Variants in COL25A1 observed in about 807,000 individuals in gnomAD.
The protein encoded by COL25A1 is collagen type XXV alpha 1 chain, also known as collagen alpha-1(XXV) chain.
In COL25A1, 103 loss-of-function variants were observed where a neutral mutation model predicts 128.4. The ratio of observed to expected loss-of-function variants is 0.80; its 90% CI spans 0.68 to 0.94. The LOEUF (loss-of-function observed/expected upper bound fraction) is 0.94. Among genes scored for constraint, COL25A1 ranks in the 40% least tolerant of loss-of-function variants. COL25A1 has a pLI of 0.00. For synonymous variants in COL25A1, 279 were observed against 277.2 expected (o/e 1.01, Z -0.06); for missense variants, 745 against 840.0 (o/e 0.89, Z 1.40).
At chr4:108,832,570 T>C in intron 31 of COL25A1, 137 bp from the exon 32 acceptor site, 1 of 595,834 alleles carries the variant, frequency 1.7e-6, no homozygotes, top group Non-Finnish European at 3.0e-6. Context: ...TGCTTTATGC[T>C]TGATTATTTC....
intron 8 of COL25A1, among the ~76,000 whole-genome samples, chr4:108,957,438 T>C (rs1030795936): frequency 4.6e-5 from 7 of 152,176 alleles, no homozygotes; most frequent in Admixed American, 2.6e-4. Context: ...AAGGTTCATT[T>C]CACCCATGAG....
At chr4:109,266,073 A>G (rs1781774468) in intron 3 of COL25A1, among the ~76,000 whole-genome samples, 1 of 152,186 alleles carries the variant, frequency 6.6e-6, no homozygotes. Flanking sequence ...TAACCGTTAA[A>G]GAGTTAAAAG....
rs148882286 is a variant in COL25A1 at position 109,247,549 on chromosome 4, G to A, written c.367+53034C>T. On this transcript the variant is annotated intron_variant, in intron 3 of 37. Transcript: ENST00000399132. ...TTAGGGAACATGTAATATTGCTTAC[G>A]TACAATGCAAGGGCTTTAAAACCAA... is the stretch of plus-strand genomic sequence containing the variant. 7.2e-5 allele frequency among the ~76,000 whole-genome samples: 11 copies of A among 152,234 alleles called. No individual in the cohort carries two copies. In the East Asian group the frequency reaches 1.9e-3, roughly 27 times the overall value.
At chr4:109,133,792 T>G (rs928068666) in intron 3 of COL25A1, among the ~76,000 whole-genome samples, 1 of 152,096 alleles carries the variant, frequency 6.6e-6, no homozygotes, top group Admixed American at 6.6e-5. Flanking sequence ...TTTATGAACA[T>G]ATAGAAACAC....
intron 12 of COL25A1, among the ~76,000 whole-genome samples, chr4:108,919,879 C>T (rs1422056842): frequency 1.3e-5 from 2 of 152,174 alleles, no homozygotes; most frequent in African/African-American, 4.8e-5. Context: ...TCTCCTGTCT[C>T]AGCCTCTTGA....
chr4:108,930,079 A>C (rs2125913594), intron 11 of COL25A1, among the ~76,000 whole-genome samples: 1 of 152,212 alleles, frequency 6.6e-6, no homozygotes, highest in East Asian at 1.9e-4. Context: ...GGAGAAGGGG[A>C]GAAGACAGCT....
chr4:108,852,530 T>C (rs576040161), intron 25 of COL25A1, among the ~76,000 whole-genome samples: 2 of 152,230 alleles, frequency 1.3e-5, no homozygotes, highest in Admixed American at 1.3e-4. Flanking sequence ...GGTAAGGCAA[T>C]GTAAAATTGC....
At chr4:108,990,330 A>G (rs10007090) in intron 6 of COL25A1, among the ~76,000 whole-genome samples, 111,961 of 140,964 alleles carry the variant, frequency 0.79, 45,684 homozygotes, top group East Asian at 1. Context: ...AATAATATAC[A>G]TCACAAAATT....
intron 3 of COL25A1, among the ~76,000 whole-genome samples, chr4:109,159,491 G>C: frequency 6.6e-6 from 1 of 152,116 alleles, no homozygotes; most frequent in South Asian, 2.1e-4. Context: ...CACCACCCCT[G>C]TCCCACCATC....
Position 108,859,664 on chromosome 4 carries a change from C to G in COL25A1, c.1312G>C (p.Ala438Pro). 1.9e-6 allele frequency: 3 copies of G among 1,613,636 alleles called. No homozygotes were observed. The highest frequency in any genetic ancestry group is 1.7e-6 in the Non-Finnish European group (2 of 1,179,822). The change falls in exon 24 of 38, where the codon GCC becomes CCC. Residue 438 changes from alanine (A) to proline (P), a missense_variant. Physicochemically the swap from Ala to Pro is conservative, Grantham distance 27. Around this residue, in one of 3 missense-constraint regions of COL25A1, gnomAD observed 387 missense variants for 441.9 expected, o/e 0.88. Transcript: ENST00000399132. ...AGGGACCAGTCACTTGCCTGTAAGG[C>G]TTCGTGGAGGTTGCCGTTGTAGTCT... ...IIDYNGNLHE[A>P]LQRITTLTVT...
intron 3 of COL25A1, among the ~76,000 whole-genome samples, chr4:109,154,527 G>A (rs747512811): frequency 6.6e-6 from 1 of 152,188 alleles, no homozygotes; most frequent in African/African-American, 2.4e-5. Flanking sequence ...GGGACTGCAT[G>A]GTGTGACTGT....
At chr4:108,841,195 C>T (rs943110700) in intron 31 of COL25A1, among the ~76,000 whole-genome samples, 8 of 152,202 alleles carry the variant, frequency 5.3e-5, no homozygotes, top group African/African-American at 1.7e-4. Flanking sequence ...GTGATGTGAT[C>T]TTCTTCCCAG....
chr4:109,012,833 A>C (rs1269039411), intron 5 of COL25A1, among the ~76,000 whole-genome samples: 1 of 152,108 alleles, frequency 6.6e-6, no homozygotes, highest in Admixed American at 6.5e-5. Flanking sequence ...AGTCCCATCG[A>C]CAGCCCAAGG....
intron 19 of COL25A1, among the ~76,000 whole-genome samples, chr4:108,879,970 A>C (rs1475705663): frequency 6.7e-6 from 1 of 149,788 alleles, no homozygotes; most frequent in Non-Finnish European, 1.5e-5. Context: ...CACCACGCCC[A>C]GCTAATTTTT....
At chr4:109,102,100 CAATT>C (rs1765948006) in intron 3 of COL25A1, among the ~76,000 whole-genome samples, 2 of 152,062 alleles carry the variant, frequency 1.3e-5, no homozygotes, top group Admixed American at 6.6e-5. Flanking sequence ...TTATAGAAAT[CAATT>C]GTTTTCAATT....
intron 8 of COL25A1, among the ~76,000 whole-genome samples, chr4:108,944,713 A>G (rs1311563688): frequency 6.6e-6 from 1 of 151,994 alleles, no homozygotes; most frequent in Non-Finnish European, 1.5e-5. Context: ...AAAAGCCTTA[A>G]GTTTTATAAC....
chr4:109,153,198 C>T (rs1771684493), intron 3 of COL25A1, among the ~76,000 whole-genome samples: 1 of 151,538 alleles, frequency 6.6e-6, no homozygotes, highest in East Asian at 1.9e-4. Flanking sequence ...CCAGCCTGAC[C>T]AACATGGAGA....
At chr4:109,242,997 T>C (rs1332531243) in intron 3 of COL25A1, among the ~76,000 whole-genome samples, 1 of 152,106 alleles carries the variant, frequency 6.6e-6, no homozygotes, top group Non-Finnish European at 1.5e-5. Context: ...GGACATTATA[T>C]CTCCAGACTT....
At chr4:109,185,160 A>G (rs999028053) in intron 3 of COL25A1, among the ~76,000 whole-genome samples, 1 of 152,224 alleles carries the variant, frequency 6.6e-6, no homozygotes, top group Non-Finnish European at 1.5e-5. Context: ...TTTCATAATC[A>G]TAGCTTTACT....
Sources: gnomAD v4.1 joint callset for allele counts (sites outside exome capture counted in the v4.1 genomes callset) on GRCh38, gnomAD v4.1.1 for gene constraint, gnomAD v4.1.1 regional missense constraint, MANE v1.5 for transcripts, NCBI Gene and HGNC (gene_info 2026-07-23, HGNC 2026-07-21) for gene names.